Variants in EPHA6 observed in about 807,000 individuals in gnomAD.
EPHA6 encodes ephrin type-A receptor 6.
A neutral mutation model predicts 112.0 loss-of-function variants in EPHA6; 50 were observed. That is an observed-to-expected ratio of 0.45 (90% CI 0.36 to 0.56). EPHA6 has a LOEUF of 0.56. Among genes scored for constraint, EPHA6 ranks in the 20% least tolerant of loss-of-function variants. The pLI is 0.00. For missense variants in EPHA6, 1,280 were observed against 1,417.4 expected (o/e 0.90, Z 1.56); for synonymous variants, 529 against 490.7 (o/e 1.08, Z -1.03).
chr3:97,013,732 A>G (rs2107953078), intron 3 of EPHA6, among the ~76,000 whole-genome samples: 1 of 152,312 alleles, frequency 6.6e-6, no homozygotes, highest in South Asian at 2.1e-4. Flanking sequence ...AATCTTGAAT[A>G]AAAACTTTTT....
At chr3:97,164,027 G>A (rs924571944) in intron 3 of EPHA6, among the ~76,000 whole-genome samples, 3 of 152,148 alleles carry the variant, frequency 2.0e-5, no homozygotes, top group African/African-American at 7.2e-5. Context: ...TTTTTGTGGT[G>A]CATAAACCAG....
At position 97,241,156 on chromosome 3, in the gene EPHA6, G is replaced by A. The variant is rs577086295; in HGVS notation, c.1271-2796G>A. ...TTATAAAGTAGAAATTCAAATTGAA[G>A]CAAAAGAAAAGTGTTTTCTAGTTAA... On this transcript the variant is annotated intron_variant, in intron 4 of 17. Transcript: ENST00000389672. Among the ~76,000 whole-genome samples, 4 of 149,122 alleles carry A rather than the reference G, an allele frequency of 2.7e-5. No individual in the cohort carries two copies. In the East Asian group the frequency reaches 7.9e-4, roughly 30 times the overall value.
At position 97,178,306 on chromosome 3, in the gene EPHA6, G is replaced by A. The variant is rs149764247; in HGVS notation, c.1115-47958G>A. Reference sequence around the variant, plus strand: ...ATTTATATCTTACGGTATTCACTATGTCCTGAAAAGTTGTAATAGTTATTG... The same window carrying A: ...ATTTATATCTTACGGTATTCACTATATCCTGAAAAGTTGTAATAGTTATTG... On this transcript the variant is annotated intron_variant, in intron 3 of 17. Transcript: ENST00000389672. Among the ~76,000 whole-genome samples the A allele has an allele frequency of 4.1e-4, 62 of 152,072 alleles. 1 individual carries two copies. In the East Asian group the frequency reaches 0.012, roughly 28 times the overall value.
At chr3:97,625,319 T>G (rs1017180635) in intron 13 of EPHA6, among the ~76,000 whole-genome samples, 8 of 151,736 alleles carry the variant, frequency 5.3e-5, no homozygotes, top group Non-Finnish European at 8.9e-5. Flanking sequence ...GTCTAAGAGT[T>G]TATTGTTTAT....
rs2091634471 is a variant in EPHA6 at position 97,484,022 on chromosome 3, T to C, written c.2163T>C (p.Asp721=). Reference sequence around the variant, plus strand: ...TCCATGAATTTGCAAAGGAGATTGATCCCTCAAGAATTCGTATTGAGAGAG... The same window carrying C: ...TCCATGAATTTGCAAAGGAGATTGACCCCTCAAGAATTCGTATTGAGAGAG... The part of the protein sequence containing the change: ...LAVHEFAKEI[D]PSRIRIERVI... Residue 721 remains aspartate, a synonymous_variant, in exon 10 of 18, where the codon GAT becomes GAC. Transcript: ENST00000389672. The C allele has an allele frequency of 1.2e-6, 2 of 1,610,182 alleles. No homozygotes were observed. The highest frequency in any genetic ancestry group is 1.7e-4 in the Middle Eastern group (1 of 6,052).
intron 2 of EPHA6, among the ~76,000 whole-genome samples, chr3:96,877,061 G>T (rs1371052988): frequency 6.6e-6 from 1 of 152,052 alleles, no homozygotes; most frequent in East Asian, 1.9e-4. Flanking sequence ...ATAAAAGTTG[G>T]CTGGATAGCT....
intron 3 of EPHA6, among the ~76,000 whole-genome samples, chr3:97,037,395 A>G (rs1426403871): frequency 2.6e-5 from 4 of 152,070 alleles, no homozygotes; most frequent in Non-Finnish European, 5.9e-5. Context: ...CTGAACAAAC[A>G]TGAAAGGGCT....
intron 10 of EPHA6, among the ~76,000 whole-genome samples, chr3:97,511,671 T>C (rs1189299997): frequency 6.6e-6 from 1 of 152,226 alleles, no homozygotes; most frequent in Non-Finnish European, 1.5e-5. Flanking sequence ...TTGAATGCCA[T>C]ATGAGTCATT....
intron 9 of EPHA6, among the ~76,000 whole-genome samples, chr3:97,483,020 AGGCAGGAGGATCACT>A (rs2091599255): frequency 6.6e-6 from 1 of 152,216 alleles, no homozygotes. Flanking sequence ...CAGGAGGCCG[AGGCAGGAGGATCACT>A]TGAGCTCAAG....
chr3:97,130,319 G>C (rs2048305112), intron 3 of EPHA6, among the ~76,000 whole-genome samples: 1 of 151,704 alleles, frequency 6.6e-6, no homozygotes, highest in South Asian at 2.1e-4. Context: ...TGTCAAACTG[G>C]ATATCTGTCA....
At chr3:97,680,119 G>A (rs900611474) in intron 14 of EPHA6, among the ~76,000 whole-genome samples, 1 of 152,148 alleles carries the variant, frequency 6.6e-6, no homozygotes, top group African/African-American at 2.4e-5. Flanking sequence ...TTTTGACTTT[G>A]ATTTCCCTTT....
chr3:97,113,103 C>T (rs1264548504), intron 3 of EPHA6, among the ~76,000 whole-genome samples: 1 of 152,140 alleles, frequency 6.6e-6, no homozygotes, highest in Admixed American at 6.6e-5. Flanking sequence ...CAGCTGCCCT[C>T]AGGCTCAACC....
intron 10 of EPHA6, among the ~76,000 whole-genome samples, chr3:97,529,582 C>G (rs2092672550): frequency 2.6e-4 from 2 of 7,614 alleles, no homozygotes; most frequent in Non-Finnish European, 5.2e-4. Flanking sequence ...TCTACAATGT[C>G]AATCACATAA....
chr3:97,280,348 C>A (rs1377646345), intron 5 of EPHA6, among the ~76,000 whole-genome samples: 1 of 152,162 alleles, frequency 6.6e-6, no homozygotes, highest in African/African-American at 2.4e-5. Flanking sequence ...TACAACAGTT[C>A]CTGGCATGTG....
intron 5 of EPHA6, among the ~76,000 whole-genome samples, chr3:97,367,285 G>T (rs533124749): frequency 6.6e-6 from 1 of 152,164 alleles, no homozygotes; most frequent in South Asian, 2.1e-4. Flanking sequence ...AGTAAATAGA[G>T]AATAAAGTAG....
intron 2 of EPHA6, among the ~76,000 whole-genome samples, chr3:96,883,377 T>G (rs1041830494): frequency 6.6e-6 from 1 of 152,180 alleles, no homozygotes; most frequent in Non-Finnish European, 1.5e-5. Flanking sequence ...TTGTTTACTC[T>G]GCTGACTGTT....
chr3:96,966,597 A>AT (rs2042128203), intron 2 of EPHA6, among the ~76,000 whole-genome samples: 1 of 152,020 alleles, frequency 6.6e-6, no homozygotes, highest in Non-Finnish European at 1.5e-5. Context: ...AGATTTGTGG[A>AT]TTTTTTGTAG....
rs553436721 is a variant in EPHA6 at position 97,145,375 on chromosome 3, T to C, written c.1115-80889T>C. On this transcript the variant is annotated intron_variant, in intron 3 of 17. Coordinates refer to ENST00000389672, the MANE Select transcript of EPHA6 (RefSeq NM_001080448.3). ...TTCTGCTTGACCCAAATGGGCTGTA[T>C]TTTTCTTCCTTTAAATCAGGAATAT... is the stretch of plus-strand genomic sequence containing the variant. Among the ~76,000 whole-genome samples the C allele has an allele frequency of 4.0e-5, 6 of 151,564 alleles. 1 individual carries two copies. The South Asian group carries it at 8.3e-4, about 21-fold the overall frequency.
At chr3:97,176,961 A>C (rs750422276) in intron 3 of EPHA6, among the ~76,000 whole-genome samples, 3 of 151,418 alleles carry the variant, frequency 2.0e-5, no homozygotes, top group Non-Finnish European at 4.4e-5. Flanking sequence ...TAGTTCTTCA[A>C]GATGCATCAT....
Sources: allele counts gnomAD v4.1 joint callset (sites outside exome capture counted in the v4.1 genomes callset), GRCh38; gene constraint gnomAD v4.1.1; transcripts MANE v1.5; gene names NCBI Gene and HGNC (gene_info 2026-07-23, HGNC 2026-07-21).